The following EXOC6B variants were observed in gnomAD, a reference collection of about 807,000 sequenced individuals.
EXOC6B encodes SEC15 homolog B.
A neutral mutation model predicts 113.5 loss-of-function variants in EXOC6B; 54 were observed. The ratio of observed to expected loss-of-function variants is 0.48; its 90% CI spans 0.38 to 0.60. EXOC6B has a LOEUF of 0.60. Ranked by LOEUF, EXOC6B falls within the 20% of genes least tolerant of loss-of-function variation. The probability of loss-of-function intolerance (pLI) is 0.00; values close to 1 mark genes in which losing one functional copy is unlikely to be tolerated. For missense variants in EXOC6B, 797 were observed against 977.5 expected (o/e 0.82, Z 2.46); for synonymous variants, 357 against 339.0 (o/e 1.05, Z -0.58).
At chr2:72,818,990 G>T (rs1374554834) in intron 1 of EXOC6B, among the ~76,000 whole-genome samples, 1 of 152,096 alleles carries the variant, frequency 6.6e-6, no homozygotes, top group African/African-American at 2.4e-5. Flanking sequence ...CATTTATTCT[G>T]TAAGTGCCCA....
At chr2:72,253,711 G>A (rs1683166968) in intron 20 of EXOC6B, among the ~76,000 whole-genome samples, 1 of 152,138 alleles carries the variant, frequency 6.6e-6, no homozygotes, top group East Asian at 1.9e-4. Context: ...TGGAGGGTAG[G>A]AGAAGGATGA....
chr2:72,768,971 A>C (rs2104937514), intron 1 of EXOC6B, among the ~76,000 whole-genome samples: 1 of 152,304 alleles, frequency 6.6e-6, no homozygotes, highest in Admixed American at 6.5e-5. Flanking sequence ...AGCCAGGCAC[A>C]GTGGCATGTG....
intron 20 of EXOC6B, among the ~76,000 whole-genome samples, chr2:72,250,218 G>A (rs1221034200): frequency 6.6e-6 from 1 of 152,138 alleles, no homozygotes; most frequent in Admixed American, 6.5e-5. Context: ...TCTTGTATAA[G>A]CACGGTACCG....
rs1432671528 is a variant in EXOC6B at position 72,825,472 on chromosome 2, C to T, written c.113+326G>A. On this transcript the variant is annotated intron_variant, in intron 1 of 21. Coordinates refer to ENST00000272427, the MANE Select transcript of EXOC6B (RefSeq NM_015189.3). This position sits in a 1 kb window ranked among gnomAD's most constrained non-coding sequence, Gnocchi z 4.4. ...AGACGGAGGGAGAAGGGTGATGTCC[C>T]CAGGGGGAAGATCTGCCGGGAGCCA... Among the ~76,000 whole-genome samples, 1 of 152,200 alleles carries T rather than the reference C, an allele frequency of 6.6e-6. No homozygotes were observed. Among genetic ancestry groups the T allele is most frequent in the Non-Finnish European group, 1.5e-5 (1 of 68,034 alleles).
chr2:72,261,819 T>C (rs890787588), intron 20 of EXOC6B, among the ~76,000 whole-genome samples: 1 of 152,236 alleles, frequency 6.6e-6, no homozygotes, highest in African/African-American at 2.4e-5. Flanking sequence ...TCTCAGCCTC[T>C]TGCCAGCCTG....
intron 20 of EXOC6B, among the ~76,000 whole-genome samples, chr2:72,229,890 T>A (rs1423406543): frequency 6.6e-6 from 1 of 152,194 alleles, no homozygotes; most frequent in Non-Finnish European, 1.5e-5. Context: ...CTGGATATAA[T>A]TATATCACAA....
At chr2:72,277,875 C>T (rs1326641942) in intron 20 of EXOC6B, among the ~76,000 whole-genome samples, 1 of 152,040 alleles carries the variant, frequency 6.6e-6, no homozygotes, top group Non-Finnish European at 1.5e-5. Context: ...TTATCATCTC[C>T]ATTCTGTAAC....
chr2:72,415,326 G>A (rs1694454052), intron 18 of EXOC6B, among the ~76,000 whole-genome samples: 1 of 144,860 alleles, frequency 6.9e-6, no homozygotes, highest in African/African-American at 2.8e-5. Context: ...AAAAGATGCT[G>A]AGCCTGGAGT....
chr2:72,760,757 A>G (rs531691933), intron 1 of EXOC6B, among the ~76,000 whole-genome samples: 1 of 152,362 alleles, frequency 6.6e-6, no homozygotes, highest in South Asian at 2.1e-4. Context: ...ATATTTTAAG[A>G]TAAAGCTTAA....
At chr2:72,325,992 AGTT>A (rs1426503552) in intron 20 of EXOC6B, among the ~76,000 whole-genome samples, 2 of 152,014 alleles carry the variant, frequency 1.3e-5, no homozygotes, top group Non-Finnish European at 2.9e-5. Flanking sequence ...ACTATGTCCT[AGTT>A]GCCTCAATCT....
intron 6 of EXOC6B, among the ~76,000 whole-genome samples, chr2:72,631,395 AGT>A: frequency 1.5e-5 from 2 of 137,560 alleles, no homozygotes; most frequent in Non-Finnish European, 3.1e-5. Context: ...GTGATATAGT[AGT>A]GTGTGTATAT....
At chr2:72,262,341 T>A (rs1683781371) in intron 20 of EXOC6B, among the ~76,000 whole-genome samples, 1 of 151,950 alleles carries the variant, frequency 6.6e-6, no homozygotes, top group African/African-American at 2.4e-5. Context: ...CTTCTGGTCT[T>A]TGTTTAAGAG....
At chr2:72,604,814 T>A (rs571621134) in intron 6 of EXOC6B, among the ~76,000 whole-genome samples, 1 of 152,344 alleles carries the variant, frequency 6.6e-6, no homozygotes. Context: ...AAGTCTTCTG[T>A]GAAGACCAGC....
intron 8 of EXOC6B, among the ~76,000 whole-genome samples, chr2:72,539,734 G>A (rs1702484976): frequency 1.7e-4 from 1 of 6,054 alleles, no homozygotes; most frequent in Non-Finnish European, 1.2e-3. Context: ...TGGGCTATGC[G>A]TGTGTGTGTG....
intron 18 of EXOC6B, among the ~76,000 whole-genome samples, chr2:72,397,358 C>A (rs569334609): frequency 6.6e-6 from 1 of 151,976 alleles, no homozygotes; most frequent in African/African-American, 2.4e-5. Context: ...CAGTGGCTCA[C>A]GCCTGTAATC....
intron 6 of EXOC6B, among the ~76,000 whole-genome samples, chr2:72,695,170 GGAA>G (rs1230938278): frequency 3.3e-5 from 5 of 152,282 alleles, no homozygotes; most frequent in African/African-American, 4.8e-5. Flanking sequence ...CTGGCTACAT[GGAA>G]GAAGAATTCT....
rs543151369 is a variant in EXOC6B, at chr2:72,420,324, G to T, written c.1981-40454C>A. On this transcript the variant is annotated intron_variant, in intron 18 of 21. Coordinates refer to ENST00000272427, the MANE Select transcript of EXOC6B (RefSeq NM_015189.3). ...ACATAGGTATACACGTGCCATAGTG[G>T]ATTGTGGCATCCATCAACCCATCAT... Among the ~76,000 whole-genome samples the T allele has an allele frequency of 3.3e-5, 5 of 152,154 alleles. No homozygotes were observed. The South Asian group carries it at 6.2e-4, about 19-fold the overall frequency.
At position 72,493,329 on chromosome 2, in the gene EXOC6B, C is replaced by G. The variant is rs1040805944; in HGVS notation, c.1554-900G>C. The stretch of plus-strand genomic sequence containing the variant: ...CCTTCTCTGTTTTTCTCCCCCCCCC[C>G]CCCCCGCATTTTTACATAGGAAGCA... On this transcript the variant is annotated intron_variant, in intron 15 of 21. Coordinates refer to ENST00000272427, the MANE Select transcript of EXOC6B (RefSeq NM_015189.3). Among the ~76,000 whole-genome samples, 20 of 145,808 alleles carry G rather than the reference C, an allele frequency of 1.4e-4. 1 individual carries two copies. Among genetic ancestry groups the G allele is most frequent in the African/African-American group, 4.3e-4 (16 of 37,396 alleles).
At chr2:72,653,532 T>C (rs1674356497) in intron 6 of EXOC6B, among the ~76,000 whole-genome samples, 1 of 149,148 alleles carries the variant, frequency 6.7e-6, no homozygotes, top group African/African-American at 2.5e-5. Context: ...ATTGTGCACA[T>C]GTACCCTAAA....
Sources: gnomAD v4.1 joint callset for allele counts (sites outside exome capture counted in the v4.1 genomes callset) on GRCh38, gnomAD v4.1.1 for gene constraint, Gnocchi (gnomAD v3.1) non-coding constraint, MANE v1.5 for transcripts, NCBI Gene and HGNC (gene_info 2026-07-23, HGNC 2026-07-21) for gene names.